The following GALC variants were observed in gnomAD, a reference collection of about 807,000 sequenced individuals.
GALC encodes galactocerebrosidase.
GALC carries 77 observed loss-of-function variants against 91.8 expected under a neutral mutation model. The ratio of observed to expected loss-of-function variants is 0.84; its 90% confidence interval spans 0.70 to 1.01. The LOEUF is 1.01. Ranked by LOEUF, GALC falls within the 50% of genes least tolerant of loss-of-function variation. The pLI is 0.00. For missense variants in GALC, 882 were observed against 855.9 expected, an observed-to-expected ratio of 1.03 and a Z score of -0.38; for synonymous variants, 357 against 306.7, an observed-to-expected ratio of 1.16 and a Z score of -1.71.
intron 15 of GALC, among the ~76,000 whole-genome samples, chr14:87,941,182 T>G (rs960682591): frequency 3.3e-5 from 5 of 151,854 alleles, no homozygotes; most frequent in Non-Finnish European, 7.4e-5. Flanking sequence ...TTTGTACAAT[T>G]ATTTTCCCTT....
At chr14:87,953,917 T>C in intron 10 of GALC, 1 of 1,610,200 alleles carries the variant, frequency 6.2e-7, no homozygotes, top group Non-Finnish European at 8.5e-7. Context: ...ACAGTTACAG[T>C]AATTGATCAA....
chr14:87,978,211 C>T (rs1317270137), intron 6 of GALC, among the ~76,000 whole-genome samples: 3 of 152,136 alleles, frequency 2.0e-5, no homozygotes, highest in Non-Finnish European at 4.4e-5. Flanking sequence ...GGCACCATGC[C>T]TGGCTAATTT....
upstream of GALC, chr14:87,993,215 C>A (rs1164868878): frequency 6.5e-7 from 1 of 1,550,300 alleles, no homozygotes; most frequent in Admixed American, 2.0e-5. Context: ...CCGTCGCCGC[C>A]ACGATAGATA....
chr14:87,979,798 C>T (rs1307937320), intron 6 of GALC, among the ~76,000 whole-genome samples: 1 of 152,204 alleles, frequency 6.6e-6, no homozygotes, highest in African/African-American at 2.4e-5. Context: ...ACACCATCTA[C>T]CTCATTACAG....
chr14:87,951,457 C>G (rs1885304849), intron 10 of GALC, among the ~76,000 whole-genome samples: 1 of 151,850 alleles, frequency 6.6e-6, no homozygotes. Flanking sequence ...GGACAATCAG[C>G]AAGGATATAA....
intron 16 of GALC, 140 bp from the exon 17 acceptor site, chr14:87,935,018 C>G: frequency 1.5e-6 from 1 of 660,488 alleles, no homozygotes; most frequent in Non-Finnish European, 2.7e-6. Context: ...AACACAATTC[C>G]ACAAGTTTGA....
At chr14:87,946,059 C>A (rs570914210) in intron 13 of GALC, among the ~76,000 whole-genome samples, 1 of 152,106 alleles carries the variant, frequency 6.6e-6, no homozygotes, top group South Asian at 2.1e-4. Flanking sequence ...TATTTAACTG[C>A]CCTGCATCTA....
chr14:87,954,592 A>G (rs1168774775), intron 10 of GALC: 5 of 1,584,370 alleles, frequency 3.2e-6, no homozygotes, highest in African/African-American at 2.7e-5. Flanking sequence ...CAAAATTTCA[A>G]AAAAGTGCAC....
intron 10 of GALC, 190 bp downstream of exon 10, chr14:87,963,194 G>A (rs2139991337): frequency 3.5e-6 from 2 of 570,524 alleles, no homozygotes; most frequent in East Asian, 6.4e-5. Context: ...CAACTATTTT[G>A]TACAAATCAG....
At chr14:87,958,606 T>A (rs769547418) in intron 10 of GALC, among the ~76,000 whole-genome samples, 1 of 152,106 alleles carries the variant, frequency 6.6e-6, no homozygotes, top group Non-Finnish European at 1.5e-5. Flanking sequence ...TAAAAGGCTA[T>A]AGTAACGATT....
At chr14:87,970,918 A>C (rs913265895) in intron 7 of GALC, among the ~76,000 whole-genome samples, 2 of 151,726 alleles carry the variant, frequency 1.3e-5, no homozygotes, top group Non-Finnish European at 2.9e-5. Context: ...TTTAATGTAT[A>C]TAAGTAGGCA....
intron 4 of GALC, 52 bp from the exon 5 acceptor site, chr14:87,984,585 G>A (rs1259814209): frequency 2.5e-6 from 4 of 1,602,334 alleles, no homozygotes; most frequent in African/African-American, 1.3e-5. Context: ...CGGTGCTGGC[G>A]CTATTGAAAA....
chr14:87,970,940 T>C (rs1389480140), intron 7 of GALC, among the ~76,000 whole-genome samples: 3 of 151,104 alleles, frequency 2.0e-5, no homozygotes, highest in Non-Finnish European at 4.4e-5. Context: ...ACATTCTCTA[T>C]CACTTCACAG....
chr14:87,962,087 G>A (rs1263920063), intron 10 of GALC, among the ~76,000 whole-genome samples: 1 of 152,138 alleles, frequency 6.6e-6, no homozygotes, highest in Non-Finnish European at 1.5e-5. Context: ...AGGGATGTGT[G>A]AGCTGTCAGT....
intron 6 of GALC, among the ~76,000 whole-genome samples, chr14:87,979,433 C>T (rs144270454): frequency 3.9e-5 from 6 of 152,020 alleles, no homozygotes; most frequent in African/African-American, 1.5e-4. Flanking sequence ...GATTTTACTG[C>T]AAGAAAACTC....
chr14:87,973,693 G>A (rs1442907045), intron 7 of GALC, among the ~76,000 whole-genome samples: 1 of 152,170 alleles, frequency 6.6e-6, no homozygotes, highest in African/African-American at 2.4e-5. Context: ...GAAACCAAGA[G>A]TATTAGTATG....
intron 10 of GALC, chr14:87,954,448 A>T (rs1252224366): frequency 4.4e-6 from 7 of 1,590,184 alleles, no homozygotes; most frequent in Non-Finnish European, 6.0e-6. Context: ...AAAGGAAAAA[A>T]GGTTATATTT....
chr14:87,952,419 T>C lies in GALC; in HGVS notation c.1162-1671A>G, dbSNP rs117774442. ...TTAAGACTAATGTTGTTCTAAAAAA[T>C]AATGGAGGTTTTGGTGAAAAGAAAA... On this transcript the variant is annotated intron_variant, in intron 10 of 16. Coordinates refer to ENST00000261304, the MANE Select transcript of GALC (RefSeq NM_000153.4). 1,251 of 430,284 alleles carry C rather than the reference T, an allele frequency of 2.9e-3. 15 individuals carry two copies. Among genetic ancestry groups the C allele is most frequent in the Admixed American group, 2.3e-3 (64 of 28,210 alleles). The allele number at this position is 430,284 out of a possible 1,614,324, so 26.7% of individuals were successfully genotyped here.
At chr14:87,977,576 A>G (rs1351225998) in intron 6 of GALC, among the ~76,000 whole-genome samples, 1 of 152,220 alleles carries the variant, frequency 6.6e-6, no homozygotes, top group African/African-American at 2.4e-5. Context: ...TCATACCACA[A>G]GCAGTTCTTG....
Sources: gnomAD v4.1 joint callset for allele counts (sites outside exome capture counted in the v4.1 genomes callset) on GRCh38, gnomAD v4.1.1 for gene constraint, MANE v1.5 for transcripts, NCBI Gene and HGNC (gene_info 2026-07-23, HGNC 2026-07-21) for gene names.